Variants in LMAN2L observed in about 807,000 individuals in gnomAD.
The protein encoded by LMAN2L is lectin, mannose binding 2 like.
In LMAN2L, 30 loss-of-function variants were observed where a neutral mutation model predicts 44.3. The ratio of observed to expected loss-of-function variants is 0.68; its 90% CI spans 0.51 to 0.92. The LOEUF is 0.92. LMAN2L is among the 40% of genes least tolerant of loss of function. The pLI is 0.00. For synonymous variants in LMAN2L, 183 were observed against 171.1 expected, an observed-to-expected ratio of 1.07 and a Z score of -0.54; for missense variants, 429 against 446.1, an observed-to-expected ratio of 0.96 and a Z score of 0.35.
At chr2:96,708,977 C>T (rs546286352) in intron 6 of LMAN2L, among the ~76,000 whole-genome samples, 29 of 144,030 alleles carry the variant, frequency 2.0e-4, no homozygotes, top group African/African-American at 6.0e-4. Flanking sequence ...TGCAATGGCA[C>T]GATCTCGGCT....
intron 4 of LMAN2L, among the ~76,000 whole-genome samples, chr2:96,732,623 G>A (rs1158084044): frequency 2.7e-5 from 4 of 145,840 alleles, no homozygotes; most frequent in East Asian, 2.1e-4. Context: ...CAGCCTGGGC[G>A]ACAGAGTGAG....
intron 7 of LMAN2L, 125 bp downstream of exon 7, chr2:96,707,589 G>T: frequency 2.3e-6 from 3 of 1,319,824 alleles, no homozygotes; most frequent in Admixed American, 4.4e-5. Flanking sequence ...GGGAAAGGCA[G>T]ATGAAAGTGC....
chr2:96,722,682 T>C (rs1248337840), intron 4 of LMAN2L, among the ~76,000 whole-genome samples: 1 of 152,246 alleles, frequency 6.6e-6, no homozygotes, highest in Non-Finnish European at 1.5e-5. Context: ...GTTGTATCCA[T>C]TTCTTGGCTA....
intron 2 of LMAN2L, 122 bp downstream of exon 2, chr2:96,737,827 T>C: frequency 1.5e-6 from 1 of 647,920 alleles, no homozygotes; most frequent in Non-Finnish European, 2.8e-6. Flanking sequence ...AAAATAAAGA[T>C]CCTTGATATC....
Position 96,711,950 on chromosome 2 carries a change from T to C in LMAN2L, c.583A>G (p.Thr195Ala), listed in dbSNP as rs1236620247. Residue 195 changes from threonine to alanine, a missense_variant, in exon 5 of 8, where the codon ACA becomes GCA. Coordinates refer to ENST00000264963, the MANE Select transcript of LMAN2L (RefSeq NM_030805.4). ...ATGGCTGTGCAGCCTCCCAGCTCTG[T>C]AGGCCGCCCATCCCGCTCATGATCA... ...SYDHERDGRP[T>A]ELGGCTAIVR... 4 of 1,614,152 alleles carry C rather than the reference T, an allele frequency of 2.5e-6. No individual in the cohort carries two copies. In the South Asian group the frequency reaches 4.4e-5, roughly 18 times the overall value.
At chr2:96,715,222 C>T (rs2078016186) in intron 4 of LMAN2L, among the ~76,000 whole-genome samples, 1 of 152,192 alleles carries the variant, frequency 6.6e-6, no homozygotes. Flanking sequence ...CAGGCGTGAG[C>T]CACCGCACCC....
chr2:96,722,982 T>C (rs2078190906), intron 4 of LMAN2L, among the ~76,000 whole-genome samples: 1 of 152,096 alleles, frequency 6.6e-6, no homozygotes, highest in East Asian at 1.9e-4. Context: ...ATCACGCCAC[T>C]GCACTTCATA....
At chr2:96,726,069 T>C (rs982942151) in intron 4 of LMAN2L, among the ~76,000 whole-genome samples, 4 of 150,310 alleles carry the variant, frequency 2.7e-5, no homozygotes, top group African/African-American at 9.8e-5. Context: ...GAGGCGGAGG[T>C]GGCAATGAGC....
chr2:96,707,864 G>A (rs930764451), intron 6 of LMAN2L, 31 bp from the exon 7 acceptor site: 1 of 1,609,176 alleles, frequency 6.2e-7, no homozygotes, highest in African/African-American at 1.3e-5. Context: ...GATGACTTGT[G>A]CCACTTGAAA....
intron 4 of LMAN2L, among the ~76,000 whole-genome samples, chr2:96,729,513 GGCTTTTTTT>G: frequency 6.6e-6 from 1 of 151,712 alleles, no homozygotes; most frequent in African/African-American, 2.4e-5. Flanking sequence ...TTTTTTTAAT[GGCTTTTTTT>G]TTTGAGACAG....
chr2:96,732,130 G>A (rs186158226), intron 4 of LMAN2L, among the ~76,000 whole-genome samples: 1 of 151,914 alleles, frequency 6.6e-6, no homozygotes, highest in Non-Finnish European at 1.5e-5. Context: ...TGGGATTACA[G>A]GCGTGAGCCA....
At chr2:96,729,836 C>A (rs1457388949) in intron 4 of LMAN2L, among the ~76,000 whole-genome samples, 1 of 152,100 alleles carries the variant, frequency 6.6e-6, no homozygotes, top group African/African-American at 2.4e-5. Context: ...ATAAAAGGAA[C>A]CCATGTTAGT....
intron 7 of LMAN2L, 58 bp downstream of exon 7, chr2:96,707,656 C>T (rs1410772514): frequency 1.2e-5 from 20 of 1,603,164 alleles, no homozygotes; most frequent in Non-Finnish European, 1.4e-5. Context: ...GCTATGGGTA[C>T]AGCACTGCAA....
Position 96,711,647 on chromosome 2 carries a change from T to A in LMAN2L, c.784+9A>T. 1 of 1,592,996 alleles carries A rather than the reference T, an allele frequency of 6.3e-7. No homozygotes were observed. The highest frequency in any genetic ancestry group is 1.1e-5 in the South Asian group (1 of 90,698). ...AGTCAGGGCAAACCAAGAGTGCGCG[T>A]GGCAGTACCTGAGAGATCCCCAGTG... is the stretch of plus-strand genomic sequence containing the variant. On this transcript the variant is annotated intron_variant, in intron 6 of 7. Transcript: ENST00000264963.
intron 4 of LMAN2L, among the ~76,000 whole-genome samples, chr2:96,721,213 T>C (rs1445067114): frequency 6.6e-6 from 1 of 152,164 alleles, no homozygotes; most frequent in Non-Finnish European, 1.5e-5. Flanking sequence ...ACATTTCATA[T>C]GCATGGGATC....
At chr2:96,718,019 G>C (rs1057342759) in intron 4 of LMAN2L, among the ~76,000 whole-genome samples, 1 of 151,862 alleles carries the variant, frequency 6.6e-6, no homozygotes, top group Non-Finnish European at 1.5e-5. Flanking sequence ...GCAATGGCGC[G>C]ATCTCGGCTC....
intron 2 of LMAN2L, chr2:96,737,366 T>C (rs2078537546): frequency 2.9e-6 from 1 of 343,796 alleles, no homozygotes; most frequent in Admixed American, 4.4e-5. Context: ...AAGAGTACTC[T>C]CAACCAGGAC....
chr2:96,707,902 CT>C (rs2077821368), intron 6 of LMAN2L, 69 bp from the exon 7 acceptor site: 13 of 1,537,458 alleles, frequency 8.5e-6, no homozygotes, highest in Middle Eastern at 1.7e-4. Context: ...AAGTCAGTAT[CT>C]TAGTTCAAGC....
chr2:96,707,045 T>C lies in LMAN2L; in HGVS notation c.*211A>G, dbSNP rs999603962. 2.2e-6 allele frequency: 1 copy of C among 456,648 alleles called. No individual in the cohort carries two copies. Among genetic ancestry groups the C allele is most frequent in the Non-Finnish European group, 3.9e-6 (1 of 257,504 alleles). 28.3% of individuals were successfully genotyped at this position (456,648 alleles called of 1,614,324 possible). A position where few individuals can be genotyped will look rare whatever the true frequency, so the allele number is the denominator to read the frequency against. ...AAGGCACATCACAGCAGCATTGCCC[T>C]GGGGTGGGTGGCTTCCCAGACCAGA... On this transcript the variant is annotated 3_prime_UTR_variant, in exon 8 of 8. Transcript: ENST00000264963.
Sources: gnomAD v4.1 joint callset for allele counts (sites outside exome capture counted in the v4.1 genomes callset) on GRCh38, gnomAD v4.1.1 for gene constraint, MANE v1.5 for transcripts, NCBI Gene and HGNC (gene_info 2026-07-23, HGNC 2026-07-21) for gene names.